SLC25A48: variants seen among roughly 807,000 people sequenced by gnomAD.
SLC25A48 encodes the protein CTC-321K16.1.
A neutral mutation model predicts 32.2 loss-of-function variants in SLC25A48; 29 were observed. That is an observed-to-expected ratio of 0.90 (90% CI 0.67 to 1.23). The LOEUF (loss-of-function observed/expected upper bound fraction) is 1.23. Ranked by LOEUF, SLC25A48 falls within the 50% of genes most tolerant of loss-of-function variation. SLC25A48 has a pLI of 0.00. For synonymous variants in SLC25A48, 164 were observed against 172.3 expected (o/e 0.95, Z 0.38); for missense variants, 399 against 422.7 (o/e 0.94, Z 0.49).
At chr5:135,873,461 G>C (rs1666633309) in intron 5 of SLC25A48, among the ~76,000 whole-genome samples, 1 of 152,172 alleles carries the variant, frequency 6.6e-6, no homozygotes, top group African/African-American at 2.4e-5. Context: ...TCAAAAAGCT[G>C]TCCCTGCTCT....
At chr5:135,815,984 T>C (rs1012428986) in intron 4 of SLC25A48, among the ~76,000 whole-genome samples, 15 of 152,254 alleles carry the variant, frequency 9.9e-5, no homozygotes, top group African/African-American at 3.6e-4. Flanking sequence ...AGAGGTTTAA[T>C]TGACTCACAG....
At chr5:135,609,785 A>G (rs1752022835) in intron 1 of SLC25A48, 1 of 152,236 alleles carries the variant, frequency 6.6e-6, no homozygotes, top group Admixed American at 6.5e-5. Flanking sequence ...CATCTATATA[A>G]AAAGAGAATA....
rs761418246 is a variant in SLC25A48 at position 135,852,807 on chromosome 5, A to C, written c.407A>C (p.Gln136Pro). The change falls in exon 4 of 8, where the codon CAA becomes CCA. Residue 136 changes from glutamine to proline, a missense_variant. Coordinates refer to ENST00000681962, the MANE Select transcript of SLC25A48 (RefSeq NM_001349336.2). Reference protein sequence around the residue: ...LIKIRLQMQTQPFRDANLGLK... With the variant: ...LIKIRLQMQTPPFRDANLGLK... Reference sequence around the variant, plus strand: ...AAGATCCGGTTGCAGATGCAGACACAACCGTTTCGGGACGGTAAGAGGCCA... The same window carrying C: ...AAGATCCGGTTGCAGATGCAGACACCACCGTTTCGGGACGGTAAGAGGCCA... The C allele has an allele frequency of 6.2e-7, 1 of 1,608,650 alleles. No homozygotes were observed. Among genetic ancestry groups the C allele is most frequent in the Admixed American group, 1.7e-5 (1 of 59,948 alleles).
At chr5:135,795,419 G>A (rs1049569853) in intron 3 of SLC25A48, among the ~76,000 whole-genome samples, 2 of 151,784 alleles carry the variant, frequency 1.3e-5, no homozygotes, top group Admixed American at 1.3e-4. Flanking sequence ...CTCTTCCTGT[G>A]ATATTGTTCC....
chr5:135,706,399 T>C (rs1754508468), intron 3 of SLC25A48, among the ~76,000 whole-genome samples: 2 of 152,198 alleles, frequency 1.3e-5, no homozygotes, highest in Admixed American at 6.5e-5. Flanking sequence ...TTTGTTTTGG[T>C]AAAGCACTTT....
At chr5:135,658,378 T>A (rs537911528) in intron 3 of SLC25A48, among the ~76,000 whole-genome samples, 9 of 152,192 alleles carry the variant, frequency 5.9e-5, no homozygotes, top group Admixed American at 5.2e-4. Flanking sequence ...CAGGGCACAC[T>A]GATGCTAAGG....
In SLC25A48 at chr5:135,644,240, G is replaced by A. The variant is rs568074007; in HGVS notation, c.-521+9284G>A. On this transcript the variant is annotated intron_variant, in intron 3 of 10. Transcript: ENST00000646290. ...GCCTTTGCAAAAGTGTCAGAACTGA[G>A]CAGGGCATATTTGGACTGAGAAGCC... 1.9e-3 allele frequency among the ~76,000 whole-genome samples: 295 copies of A among 152,200 alleles called. 5 individuals are homozygous for A. Among genetic ancestry groups the A allele is most frequent in the Admixed American group, 1.4e-3 (22 of 15,304 alleles).
intron 2 of SLC25A48, among the ~76,000 whole-genome samples, chr5:135,845,093 G>A (rs1440973995): frequency 6.6e-6 from 1 of 152,214 alleles, no homozygotes; most frequent in Non-Finnish European, 1.5e-5. Flanking sequence ...CGCAAGTCAG[G>A]AAGCAGGAAG....
rs201840759 is a variant in SLC25A48, at chr5:135,850,451, C to T, written c.117C>T (p.Tyr39=). The change falls in exon 3 of 8, where the codon TAC becomes TAT. Residue 39 remains tyrosine, a synonymous_variant. Transcript: ENST00000681962. ...CTCGCCTGCAGGCTGGCGTTGGCTA[C>T]GGAAACACCCTCAGCTGCATCCGCG... ...VKTRLQAGVG[Y]GNTLSCIRVV... 2.5e-3 allele frequency: 4,021 copies of T among 1,614,148 alleles called. 9 individuals carry two copies. The highest frequency in any genetic ancestry group is 2.4e-3 in the Non-Finnish European group (2,828 of 1,180,016).
intron 4 of SLC25A48, among the ~76,000 whole-genome samples, chr5:135,823,997 G>A (rs536327856): frequency 4.6e-5 from 7 of 152,294 alleles, no homozygotes; most frequent in South Asian, 2.1e-4. Flanking sequence ...TATTGTGAAC[G>A]AGAGGCACCA....
intron 3 of SLC25A48, among the ~76,000 whole-genome samples, chr5:135,793,458 A>G (rs1383241741): frequency 6.6e-6 from 1 of 151,842 alleles, no homozygotes; most frequent in Non-Finnish European, 1.5e-5. Context: ...GATATTATCC[A>G]TAACATCCTG....
chr5:135,834,981 C>T, intron 1 of SLC25A48, 88 bp downstream of exon 1: 1 of 1,445,428 alleles, frequency 6.9e-7, no homozygotes, highest in Non-Finnish European at 9.5e-7. Context: ...TGCCTCTGTG[C>T]GCTGCCATCC....
chr5:135,788,689 C>CAGG (rs80351426), intron 3 of SLC25A48, among the ~76,000 whole-genome samples: 39,147 of 149,652 alleles, frequency 0.26, 5,305 homozygotes, highest in East Asian at 0.43. Context: ...CTCTAATATC[C>CAGG]AGGGGGGGAA....
intron 1 of SLC25A48, chr5:135,609,254 G>A (rs1752009600): frequency 6.6e-6 from 1 of 152,192 alleles, no homozygotes; most frequent in African/African-American, 2.4e-5. Context: ...AACTCACAAG[G>A]TTACTTTATT....
chr5:135,858,551 A>G (rs1760521857), intron 4 of SLC25A48, among the ~76,000 whole-genome samples: 1 of 152,156 alleles, frequency 6.6e-6, no homozygotes, highest in Admixed American at 6.5e-5. Flanking sequence ...CAACAACCCA[A>G]TTCCTGGGGA....
chr5:135,610,162 G>C (rs1024746304), intron 1 of SLC25A48, among the ~76,000 whole-genome samples: 3 of 152,140 alleles, frequency 2.0e-5, no homozygotes, highest in Admixed American at 6.5e-5. Context: ...GCCCAGGAAA[G>C]GGGGGCACGG....
At chr5:135,666,869 T>G (rs915392961) in intron 3 of SLC25A48, among the ~76,000 whole-genome samples, 6 of 151,998 alleles carry the variant, frequency 3.9e-5, no homozygotes, top group Non-Finnish European at 2.9e-5. Context: ...CGGGAGGAGA[T>G]TCAATGGGAA....
rs149646124 is a variant in SLC25A48 at position 135,676,899 on chromosome 5, C to T, written c.-521+41943C>T. Among the ~76,000 whole-genome samples, 156 of 151,966 alleles carry T rather than the reference C, an allele frequency of 1.0e-3. 1 individual carries two copies. Among genetic ancestry groups the T allele is most frequent in the African/African-American group, 3.5e-3 (147 of 41,522 alleles). ...ACATGGTTCATCTTTGAGAATGTTC[C>T]GTGTGCTAATGAGAAGAATGTGTAC... On this transcript the variant is annotated intron_variant, in intron 3 of 10. Coordinates refer to the SLC25A48 transcript ENST00000646290.
rs745668429 is a variant in SLC25A48 at position 135,879,605 on chromosome 5, A to AGT, written c.814-362_814-361insTG. Among the ~76,000 whole-genome samples, 1,015 of 135,242 alleles carry AGT rather than the reference A, an allele frequency of 7.5e-3. 8 individuals are homozygous for AGT. The highest frequency in any genetic ancestry group is 0.034 in the African/African-American group (955 of 27,832). 88.7% of individuals were successfully genotyped at this position (135,242 alleles called of 152,430 possible). A position where few individuals can be genotyped will look rare whatever the true frequency, so the allele number is the denominator to read the frequency against. On this transcript the variant is annotated intron_variant, in intron 6 of 7. Transcript: ENST00000681962. The stretch of plus-strand genomic sequence containing the variant: ...CGAGGAGAGAGAGAGAGAGAGAGAG[A>AGT]GAGAGAGTGTGTGTGTGTGTGTGTG...
Sources: allele counts gnomAD v4.1 joint callset (sites outside exome capture counted in the v4.1 genomes callset), GRCh38; gene constraint gnomAD v4.1.1; transcripts MANE v1.5; gene names NCBI Gene and HGNC (gene_info 2026-07-23, HGNC 2026-07-21).